KLF13: variants seen among roughly 807,000 people sequenced by gnomAD.
KLF13 encodes the protein Krueppel-like factor 13.
KLF13 carries 8 observed loss-of-function variants against 16.7 expected under a neutral mutation model. The observed-to-expected ratio is 0.48, with a 90% CI of 0.28 to 0.87. KLF13 has a LOEUF of 0.87. Ranked by LOEUF, KLF13 falls within the 40% of genes least tolerant of loss-of-function variation. The pLI, the probability that KLF13 is intolerant of heterozygous loss-of-function variation, is 0.10. For synonymous variants in KLF13, 245 were observed against 208.4 expected (o/e 1.18, Z -1.51); for missense variants, 447 against 452.2 (o/e 0.99, Z 0.10).
chr15:31,385,793 C>CT (rs542943511), intron 1 of KLF13, among the ~76,000 whole-genome samples: 59 of 152,298 alleles, frequency 3.9e-4, no homozygotes, highest in African/African-American at 1.4e-3. Flanking sequence ...ACAATTGCCT[C>CT]TAAGTGTTCA....
chr15:31,350,316 C>T (rs1026442649), intron 1 of KLF13, among the ~76,000 whole-genome samples: 22 of 152,220 alleles, frequency 1.4e-4, no homozygotes, highest in African/African-American at 4.3e-4. Flanking sequence ...ACCTGGATGC[C>T]GACCACATTG....
intron 1 of KLF13, among the ~76,000 whole-genome samples, chr15:31,426,497 A>G (rs1213903306): frequency 6.6e-6 from 1 of 152,242 alleles, no homozygotes; most frequent in African/African-American, 2.4e-5. Context: ...ATCAAATAAA[A>G]CAATCAAGAA....
chr15:31,395,453 C>CTTAT (rs544376162), intron 2 of KLF13, among the ~76,000 whole-genome samples: 78 of 151,986 alleles, frequency 5.1e-4, no homozygotes, highest in Middle Eastern at 3.4e-3. Flanking sequence ...TTCTTTTTTC[C>CTTAT]TTATTTATTT....
chr15:31,359,775 A>G lies in KLF13; in HGVS notation c.578-12235A>G, dbSNP rs1208739143. Among the ~76,000 whole-genome samples, 6 of 152,204 alleles carry G rather than the reference A, an allele frequency of 3.9e-5. No individual in the cohort carries two copies. In the East Asian group the frequency reaches 1.2e-3, roughly 29 times the overall value. ...CCCAGGGGCTGTTTATCAGCAGCTC[A>G]CATTGGTGGTTCAGAAGAACATTCG... On this transcript the variant is annotated intron_variant, in intron 1 of 1. Coordinates refer to ENST00000307145, the MANE Select transcript of KLF13 (RefSeq NM_015995.4).
At chr15:31,416,520 A>G (rs893952610) in intron 1 of KLF13, among the ~76,000 whole-genome samples, 2 of 152,224 alleles carry the variant, frequency 1.3e-5, no homozygotes, top group African/African-American at 4.8e-5. Context: ...AATACATCAC[A>G]CAATAGATTA....
chr15:31,401,095 C>G (rs2040029769), intron 2 of KLF13, among the ~76,000 whole-genome samples: 1 of 152,092 alleles, frequency 6.6e-6, no homozygotes, highest in East Asian at 1.9e-4. Context: ...CCTCTGCCTC[C>G]CGGGAGCAAG....
At chr15:31,413,710 C>T (rs12438813) in intron 1 of KLF13, among the ~76,000 whole-genome samples, 7,379 of 152,132 alleles carry the variant, frequency 0.049, 278 homozygotes, top group East Asian at 0.12. Flanking sequence ...GCTATTAGGC[C>T]TGCCTTCAAG....
intron 2 of KLF13, among the ~76,000 whole-genome samples, chr15:31,398,231 A>G (rs762194092): frequency 7.9e-5 from 12 of 152,164 alleles, no homozygotes; most frequent in Non-Finnish European, 1.6e-4. Context: ...AGTTGAAAGG[A>G]GCCCAGGCCT....
At chr15:31,368,820 T>TTAGATAGATAGATAGATAGA (rs373136224) in intron 1 of KLF13, among the ~76,000 whole-genome samples, 74 of 151,834 alleles carry the variant, frequency 4.9e-4, no homozygotes, top group African/African-American at 1.7e-3. Context: ...CTATCTCAGA[T>TTAGATAGATAGATAGATAGA]TAGATAGATA....
intron 1 of KLF13, among the ~76,000 whole-genome samples, chr15:31,429,144 T>G (rs148188399): frequency 6.6e-6 from 1 of 152,184 alleles, no homozygotes; most frequent in Non-Finnish European, 1.5e-5. Flanking sequence ...GTATGTTCAT[T>G]TAATTGATGA....
rs1056159970 is a variant in KLF13, at chr15:31,377,612, C to CTT, written c.*5316_*5317dup. The CTT allele has an allele frequency of 1.3e-5, 2 of 152,584 alleles. No homozygotes were observed. The allele number at this position is 152,584 out of a possible 1,614,324, so 9.5% of individuals were successfully genotyped here. On this transcript the variant is annotated 3_prime_UTR_variant, in exon 2 of 2. Transcript: ENST00000307145. The stretch of plus-strand genomic sequence containing the variant: ...CCATTTCCATGGAGCTCATGTTTTT[C>CTT]TTTTCTGTAGGAACTTTTTTTTAAC...
At chr15:31,353,900 C>A (rs2039258073) in intron 1 of KLF13, among the ~76,000 whole-genome samples, 1 of 152,216 alleles carries the variant, frequency 6.6e-6, no homozygotes, top group African/African-American at 2.4e-5. Flanking sequence ...TAAACAGAAA[C>A]CAGGCTGCTT....
At chr15:31,339,293 A>T (rs1014033662) in intron 1 of KLF13, among the ~76,000 whole-genome samples, 2 of 152,098 alleles carry the variant, frequency 1.3e-5, no homozygotes, top group Non-Finnish European at 2.9e-5. Flanking sequence ...AGATACCAAA[A>T]TGTCTGACCT....
chr15:31,378,057 G>C (rs1242858959), downstream of KLF13, among the ~76,000 whole-genome samples: 1 of 152,122 alleles, frequency 6.6e-6, no homozygotes, highest in East Asian at 1.9e-4. Context: ...CTTTGCAGAA[G>C]AGCTCTTGCA....
intron 1 of KLF13, among the ~76,000 whole-genome samples, chr15:31,353,553 C>T (rs773252265): frequency 4.6e-5 from 7 of 152,256 alleles, no homozygotes; most frequent in East Asian, 3.8e-4. Flanking sequence ...AAAACCACTT[C>T]GGGGCTGCAG....
Position 31,352,756 on chromosome 15 carries a change from G to A in KLF13, c.578-19254G>A, listed in dbSNP as rs117096244. On this transcript the variant is annotated intron_variant, in intron 1 of 1. Coordinates refer to ENST00000307145, the MANE Select transcript of KLF13 (RefSeq NM_015995.4). ...CATTTGCAAGCTGTTAGGTGGCAGA[G>A]ATCAGTGAATAAAAACTTAATAAAA... Among the ~76,000 whole-genome samples, 1,086 of 152,308 alleles carry A rather than the reference G, an allele frequency of 7.1e-3. 4 individuals are homozygous for A. Among genetic ancestry groups the A allele is most frequent in the Admixed American group, 0.014 (219 of 15,304 alleles).
Position 31,377,612 on chromosome 15 carries a change from C to G in KLF13, c.*5313C>G, listed in dbSNP as rs1021108690. ...CCATTTCCATGGAGCTCATGTTTTTCTTTTCTGTAGGAACTTTTTTTTAAC... is the reference window on the plus strand; with the variant it reads ...CCATTTCCATGGAGCTCATGTTTTTGTTTTCTGTAGGAACTTTTTTTTAAC... On this transcript the variant is annotated 3_prime_UTR_variant, in exon 2 of 2. Coordinates refer to ENST00000307145, the MANE Select transcript of KLF13 (RefSeq NM_015995.4). 11 of 152,702 alleles carry G rather than the reference C, an allele frequency of 7.2e-5. No individual in the cohort carries two copies. The highest frequency in any genetic ancestry group is 2.6e-4 in the African/African-American group (11 of 41,540). The allele number at this position is 152,702 out of a possible 1,614,324, so 9.5% of individuals were successfully genotyped here.
At chr15:31,431,753 C>T (rs143447885) in intron 1 of KLF13, among the ~76,000 whole-genome samples, 70 of 152,286 alleles carry the variant, frequency 4.6e-4, no homozygotes, top group African/African-American at 1.5e-3. Flanking sequence ...CGTGAGCCAC[C>T]GCGCCCAGCC....
rs554374141 is a variant in KLF13 at position 31,372,334 on chromosome 15, C to G, written c.*35C>G. The G allele has an allele frequency of 4.2e-6, 6 of 1,433,118 alleles. No homozygotes were observed. Among genetic ancestry groups the G allele is most frequent in the South Asian group, 3.0e-5 (2 of 67,788 alleles). The allele number at this position is 1,433,118 out of a possible 1,614,324, so 88.8% of individuals were successfully genotyped here. ...AGCCATGAGCAGCCGCTCCCACCCC[C>G]TCGTGAGTCCCTGGCCTTTCCTTTT... is the stretch of plus-strand genomic sequence containing the variant. On this transcript the variant is annotated 3_prime_UTR_variant, in exon 2 of 2. Transcript: ENST00000307145.
Sources: gnomAD v4.1 joint callset for allele counts (sites outside exome capture counted in the v4.1 genomes callset) on GRCh38, gnomAD v4.1.1 for gene constraint, MANE v1.5 for transcripts, NCBI Gene and HGNC (gene_info 2026-07-23, HGNC 2026-07-21) for gene names.